Variants in UBE2E1 observed in about 807,000 individuals in gnomAD.
The protein encoded by UBE2E1 is ubiquitin conjugating enzyme E2 E1.
UBE2E1 carries 6 observed loss-of-function variants against 21.4 expected under a neutral mutation model. That is an observed-to-expected ratio of 0.28 (90% CI 0.15 to 0.55). The LOEUF (loss-of-function observed/expected upper bound fraction) is 0.55, where lower values mean the gene tolerates loss of function less well. Among genes scored for constraint, UBE2E1 ranks in the 20% least tolerant of loss-of-function variants. The pLI, the probability that UBE2E1 is intolerant of heterozygous loss-of-function variation, is 0.93. For synonymous variants in UBE2E1, 87 were observed against 82.7 expected, an observed-to-expected ratio of 1.05 and a Z score of -0.28; for missense variants, 142 against 236.5, an observed-to-expected ratio of 0.60 and a Z score of 2.62.
At position 23,807,623 on chromosome 3, in the gene UBE2E1, C is replaced by T. The variant is rs1179523251; in HGVS notation, c.152+202C>T. The T allele has an allele frequency of 2.4e-5, 13 of 534,590 alleles. No individual in the cohort carries two copies. In the Admixed American group the frequency reaches 4.6e-4, roughly 19 times the overall value. 33.1% of individuals were successfully genotyped at this position (534,590 alleles called of 1,614,324 possible). A position where few individuals can be genotyped will look rare whatever the true frequency, so the allele number is the denominator to read the frequency against. On this transcript the variant is annotated intron_variant, in intron 2 of 5. Transcript: ENST00000306627. ...AATCATTGCTCACATGCAGCTGTTG[C>T]GGCTTGCCTCTCGCATTTCTTGCTG...
intron 3 of UBE2E1, among the ~76,000 whole-genome samples, chr3:23,830,813 C>A (rs1337197705): frequency 6.6e-6 from 1 of 152,150 alleles, no homozygotes; most frequent in Non-Finnish European, 1.5e-5. Flanking sequence ...GAATTTAGAT[C>A]CCCCTTGGAG....
Position 23,806,212 on chromosome 3 carries a change from G to A in UBE2E1, c.-34+124G>A, listed in dbSNP as rs1175025634. 6.8e-6 allele frequency: 1 copy of A among 148,138 alleles called. No individual in the cohort carries two copies. Among genetic ancestry groups the A allele is most frequent in the Non-Finnish European group, 1.5e-5 (1 of 66,520 alleles). 9.2% of individuals were successfully genotyped at this position (148,138 alleles called of 1,614,324 possible). On this transcript the variant is annotated intron_variant, in intron 1 of 5. Transcript: ENST00000306627. This position sits in a 1 kb window ranked among gnomAD's most constrained non-coding sequence, Gnocchi z 6.5. ...CCGGGCCGCAGGGCACGGGGCCGGC[G>A]CGGGGGGGGAGCGGAGAGGGGCTGG...
rs1027242719 is a variant in UBE2E1, at chr3:23,806,345, C to T, written c.-34+257C>T. On this transcript the variant is annotated intron_variant, in intron 1 of 5. Coordinates refer to ENST00000306627, the MANE Select transcript of UBE2E1 (RefSeq NM_003341.5). The surrounding 1 kb of genome is among the most constrained non-coding windows in gnomAD (Gnocchi z 6.5). ...AGGACGGGGGTCATTGTGGCTCGAACTGTCAGCGCTGCCCCAAGAGCCCCC... is the reference window on the plus strand; with the variant it reads ...AGGACGGGGGTCATTGTGGCTCGAATTGTCAGCGCTGCCCCAAGAGCCCCC... 2.6e-5 allele frequency among the ~76,000 whole-genome samples: 4 copies of T among 151,148 alleles called. No homozygotes were observed. Among genetic ancestry groups the T allele is most frequent in the African/African-American group, 9.7e-5 (4 of 41,300 alleles).
At chr3:23,888,562 A>G (rs1330083045) in intron 4 of UBE2E1, among the ~76,000 whole-genome samples, 2 of 152,184 alleles carry the variant, frequency 1.3e-5, no homozygotes, top group Admixed American at 1.3e-4. Context: ...ACTCGATTAT[A>G]TAATAGTAAA....
At chr3:23,818,600 G>A (rs1440316553) in intron 3 of UBE2E1, among the ~76,000 whole-genome samples, 2 of 152,114 alleles carry the variant, frequency 1.3e-5, no homozygotes, top group African/African-American at 4.8e-5. Flanking sequence ...ATCTCTATAT[G>A]ATAATTTTGT....
intron 3 of UBE2E1, among the ~76,000 whole-genome samples, chr3:23,845,589 C>CTCTGTGTGTG (rs1553637998): frequency 2.6e-4 from 32 of 121,288 alleles, no homozygotes; most frequent in African/African-American, 9.7e-4. Flanking sequence ...CTCTCTCTCT[C>CTCTGTGTGTG]TGTGTGTGTG....
At chr3:23,865,755 A>C (rs1700642446) in intron 3 of UBE2E1, among the ~76,000 whole-genome samples, 1 of 152,222 alleles carries the variant, frequency 6.6e-6, no homozygotes, top group Admixed American at 6.5e-5. Flanking sequence ...AACTGATACC[A>C]ACATGAAGTA....
chr3:23,874,624 T>C (rs1177455844), intron 3 of UBE2E1, among the ~76,000 whole-genome samples: 6 of 152,186 alleles, frequency 3.9e-5, no homozygotes, highest in Non-Finnish European at 8.8e-5. Flanking sequence ...ACACACAGCA[T>C]TGGATTCTGT....
rs183170893 is a variant in UBE2E1 at position 23,875,921 on chromosome 3, C to T, written c.204-11646C>T. ...CTGAGTAGCTGGGATTACAGGCGCT[C>T]GCCACCACGCCCAGCTAATTTTTGT... On this transcript the variant is annotated intron_variant, in intron 3 of 5. Coordinates refer to ENST00000306627, the MANE Select transcript of UBE2E1 (RefSeq NM_003341.5). 3.5e-3 allele frequency among the ~76,000 whole-genome samples: 535 copies of T among 152,276 alleles called. 15 individuals carry two copies. In the East Asian group the frequency reaches 0.045, roughly 13 times the overall value.
chr3:23,865,016 T>G (rs550535283), intron 3 of UBE2E1, among the ~76,000 whole-genome samples: 5 of 152,382 alleles, frequency 3.3e-5, no homozygotes, highest in Admixed American at 3.3e-4. Flanking sequence ...TTTCTCTTTC[T>G]GTGTAACAAA....
At chr3:23,881,782 T>G (rs558190070) in intron 3 of UBE2E1, among the ~76,000 whole-genome samples, 2 of 152,318 alleles carry the variant, frequency 1.3e-5, no homozygotes, top group South Asian at 4.1e-4. Flanking sequence ...TAACAGTTCT[T>G]AAAGATGGTG....
At chr3:23,882,608 C>A (rs183635913) in intron 3 of UBE2E1, among the ~76,000 whole-genome samples, 1 of 150,842 alleles carries the variant, frequency 6.6e-6, no homozygotes, top group Admixed American at 6.5e-5. Flanking sequence ...GAGGCTCAGG[C>A]CACGTGGGAG....
At chr3:23,882,140 C>T (rs1262569562) in intron 3 of UBE2E1, among the ~76,000 whole-genome samples, 1 of 152,184 alleles carries the variant, frequency 6.6e-6, no homozygotes, top group East Asian at 1.9e-4. Flanking sequence ...GAGCAGGTTG[C>T]CACTGCTGGC....
intron 3 of UBE2E1, among the ~76,000 whole-genome samples, chr3:23,848,950 A>G (rs1388995132): frequency 3.3e-5 from 5 of 152,198 alleles, no homozygotes; most frequent in East Asian, 1.9e-4. Flanking sequence ...TGTGTCATGT[A>G]TCAGTACTTG....
intron 3 of UBE2E1, among the ~76,000 whole-genome samples, chr3:23,840,994 A>G (rs61652123): frequency 0.029 from 4,479 of 152,296 alleles, 221 homozygotes; most frequent in African/African-American, 0.1. Context: ...AGTATCTGAT[A>G]TACCATCTTG....
At chr3:23,846,697 T>TA (rs1559483698) in intron 3 of UBE2E1, among the ~76,000 whole-genome samples, 1 of 6,512 alleles carries the variant, frequency 1.5e-4, no homozygotes, top group African/African-American at 9.3e-4. Flanking sequence ...CTCCATCTCA[T>TA]CAAAAAAAAA....
chr3:23,883,720 G>C (rs1007794233), intron 3 of UBE2E1, among the ~76,000 whole-genome samples: 3 of 151,612 alleles, frequency 2.0e-5, no homozygotes, highest in Admixed American at 6.6e-5. Flanking sequence ...GTTTGAGACC[G>C]GTCTAGCCAA....
intron 3 of UBE2E1, among the ~76,000 whole-genome samples, chr3:23,874,643 G>A (rs1220528474): frequency 1.3e-5 from 2 of 152,106 alleles, no homozygotes; most frequent in Non-Finnish European, 2.9e-5. Flanking sequence ...GTCCTGACTC[G>A]TTTTTTCTAA....
At chr3:23,837,524 C>T (rs958918459) in intron 3 of UBE2E1, among the ~76,000 whole-genome samples, 3 of 152,198 alleles carry the variant, frequency 2.0e-5, no homozygotes, top group Non-Finnish European at 4.4e-5. Flanking sequence ...GGGACTGTTG[C>T]CTGCACCATC....
Sources: gnomAD v4.1 joint callset for allele counts (sites outside exome capture counted in the v4.1 genomes callset) on GRCh38, gnomAD v4.1.1 for gene constraint, Gnocchi (gnomAD v3.1) non-coding constraint, MANE v1.5 for transcripts, NCBI Gene and HGNC (gene_info 2026-07-23, HGNC 2026-07-21) for gene names.